TCERG1L: variants seen among roughly 807,000 people sequenced by gnomAD.
TCERG1L encodes transcription elongation regulator 1-like protein.
Under a neutral mutation model 56.3 loss-of-function variants are expected in TCERG1L, and 37 were observed. That is an observed-to-expected ratio of 0.66 (90% CI 0.51 to 0.87). The LOEUF (loss-of-function observed/expected upper bound fraction) is 0.87, where lower values mean the gene tolerates loss of function less well. Among genes scored for constraint, TCERG1L ranks in the 40% least tolerant of loss-of-function variants. The pLI is 0.00. For missense variants in TCERG1L, 799 were observed against 774.2 expected (o/e 1.03, Z -0.38); for synonymous variants, 324 against 326.3 (o/e 0.99, Z 0.08).
chr10:131,238,749 C>A (rs1372167823), intron 4 of TCERG1L, among the ~76,000 whole-genome samples: 6 of 152,188 alleles, frequency 3.9e-5, no homozygotes, highest in Non-Finnish European at 5.9e-5. Flanking sequence ...GCCAAATGGT[C>A]CAAGCCACTT....
chr10:131,260,556 G>T lies in TCERG1L; in HGVS notation c.671-112C>A. 1 of 1,225,294 alleles carries T rather than the reference G, an allele frequency of 8.2e-7. No homozygotes were observed. The highest frequency in any genetic ancestry group is 1.0e-6 in the Non-Finnish European group (1 of 961,672). 75.9% of individuals were successfully genotyped at this position (1,225,294 alleles called of 1,614,324 possible). A position where few individuals can be genotyped will look rare whatever the true frequency, so the allele number is the denominator to read the frequency against. ...CCCCCAGAAAACAGGTGAGGGGGGC[G>T]CTACCCCTCTTTAATGGAGGCCCAC... On this transcript the variant is annotated intron_variant, in intron 3 of 11. Transcript: ENST00000368642. The surrounding 1 kb of genome is among the most constrained non-coding windows in gnomAD (Gnocchi z 5.8).
chr10:131,252,849 C>T (rs545217649), intron 4 of TCERG1L, among the ~76,000 whole-genome samples: 1 of 152,374 alleles, frequency 6.6e-6, no homozygotes, highest in Non-Finnish European at 1.5e-5. Flanking sequence ...TGACCAGCCT[C>T]CTTGCACGAT....
At chr10:131,152,577 TATC>T (rs1845877519) in intron 6 of TCERG1L, among the ~76,000 whole-genome samples, 1 of 152,244 alleles carries the variant, frequency 6.6e-6, no homozygotes, top group South Asian at 2.1e-4. Context: ...CACATTTTGC[TATC>T]TTTTTCTGAG....
At chr10:131,107,652 C>T (rs1845366320) in intron 9 of TCERG1L, among the ~76,000 whole-genome samples, 1 of 152,114 alleles carries the variant, frequency 6.6e-6, no homozygotes, top group Non-Finnish European at 1.5e-5. Context: ...TGAGGGAAGC[C>T]TGTTGTTCCC....
At chr10:131,240,994 G>A (rs1845965652) in intron 4 of TCERG1L, among the ~76,000 whole-genome samples, 1 of 152,250 alleles carries the variant, frequency 6.6e-6, no homozygotes, top group Non-Finnish European at 1.5e-5. Flanking sequence ...CTCCTTCACC[G>A]GGAAAGCACG....
chr10:131,204,349 G>C (rs542682273), intron 4 of TCERG1L, among the ~76,000 whole-genome samples: 39 of 152,364 alleles, frequency 2.6e-4, no homozygotes, highest in African/African-American at 9.4e-4. Flanking sequence ...CCAGCAAGTG[G>C]GCTGGCCCGA....
intron 3 of TCERG1L, among the ~76,000 whole-genome samples, chr10:131,291,300 CCATATATTT>C (rs1258639143): frequency 6.7e-6 from 1 of 148,216 alleles, no homozygotes; most frequent in Admixed American, 6.8e-5. Flanking sequence ...AATTTTAATC[CCATATATTT>C]CATATATATC....
chr10:131,154,826 G>GC (rs1805663518), intron 6 of TCERG1L, among the ~76,000 whole-genome samples: 1 of 152,256 alleles, frequency 6.6e-6, no homozygotes, highest in Non-Finnish European at 1.5e-5. Context: ...ACACGAGCGT[G>GC]CAACAGGCGT....
chr10:131,265,386 T>C (rs1342249560), intron 3 of TCERG1L, among the ~76,000 whole-genome samples: 1 of 152,214 alleles, frequency 6.6e-6, no homozygotes, highest in Non-Finnish European at 1.5e-5. Flanking sequence ...CTGAATGATA[T>C]CAGTGAAGAC....
chr10:131,196,739 C>T lies in TCERG1L; in HGVS notation c.857-29854G>A, dbSNP rs1845367772. Among the ~76,000 whole-genome samples the T allele has an allele frequency of 2.0e-5, 3 of 152,316 alleles. No homozygotes were observed. The South Asian group carries it at 6.2e-4, about 32-fold the overall frequency. On this transcript the variant is annotated intron_variant, in intron 4 of 11. Coordinates refer to ENST00000368642, the MANE Select transcript of TCERG1L (RefSeq NM_174937.4). ...GACTCGGCCTGACTGGCTGGAACAC[C>T]ACCACCAAGCAATTCCCTACAAGGA...
At chr10:131,201,894 C>T (rs1336552804) in intron 4 of TCERG1L, among the ~76,000 whole-genome samples, 1 of 152,186 alleles carries the variant, frequency 6.6e-6, no homozygotes, top group East Asian at 1.9e-4. Flanking sequence ...ATCCATCGAC[C>T]TTCCTCAGAG....
In TCERG1L at chr10:131,182,364, C is replaced by T. The variant is rs1845189959; in HGVS notation, c.857-15479G>A. On this transcript the variant is annotated intron_variant, in intron 4 of 11. Coordinates refer to ENST00000368642, the MANE Select transcript of TCERG1L (RefSeq NM_174937.4). The stretch of plus-strand genomic sequence containing the variant: ...GGGCCGGGGTCTTTGTGCCCCTGTC[C>T]CTAGCTGGGGAGCTAGCACCGGGAG... Among the ~76,000 whole-genome samples the T allele has an allele frequency of 2.0e-5, 3 of 152,170 alleles. No individual in the cohort carries two copies. The South Asian group carries it at 6.2e-4, about 32-fold the overall frequency.
At chr10:131,199,118 T>C (rs1430256365) in intron 4 of TCERG1L, among the ~76,000 whole-genome samples, 2 of 152,174 alleles carry the variant, frequency 1.3e-5, no homozygotes, top group Non-Finnish European at 2.9e-5. Context: ...TGTGAAGGAC[T>C]TGGCAGCCCC....
chr10:131,094,839 C>T (rs1845224383), intron 11 of TCERG1L, among the ~76,000 whole-genome samples: 1 of 152,214 alleles, frequency 6.6e-6, no homozygotes. Flanking sequence ...CTTGCCTGGG[C>T]TTGTTCCACG....
chr10:131,262,113 C>T (rs1030373122), intron 3 of TCERG1L, among the ~76,000 whole-genome samples: 2 of 151,784 alleles, frequency 1.3e-5, no homozygotes, highest in African/African-American at 2.4e-5. Context: ...CAGACATAGG[C>T]GGGGGATGAC....
At chr10:131,169,751 C>T (rs1846069300) in intron 4 of TCERG1L, among the ~76,000 whole-genome samples, 1 of 152,156 alleles carries the variant, frequency 6.6e-6, no homozygotes, top group African/African-American at 2.4e-5. Flanking sequence ...AGCAGAAATG[C>T]ACGTCTGTAT....
chr10:131,161,510 A>T (rs1385312471), intron 6 of TCERG1L: 1 of 152,100 alleles, frequency 6.6e-6, no homozygotes, highest in Non-Finnish European at 1.5e-5. Flanking sequence ...TGTTATTCCT[A>T]CCAAGTCCCT....
At chr10:131,258,042 A>T (rs1337202750) in intron 4 of TCERG1L, among the ~76,000 whole-genome samples, 1 of 152,232 alleles carries the variant, frequency 6.6e-6, no homozygotes, top group Non-Finnish European at 1.5e-5. Context: ...CCTGCTTTGC[A>T]TTGATGTCCT....
chr10:131,216,920 G>T (rs2133494036), intron 4 of TCERG1L, among the ~76,000 whole-genome samples: 1 of 152,248 alleles, frequency 6.6e-6, no homozygotes, highest in South Asian at 2.1e-4. Flanking sequence ...GAAACCGAGG[G>T]TGGCATCTCT....
Sources: allele counts gnomAD v4.1 joint callset (sites outside exome capture counted in the v4.1 genomes callset), GRCh38; gene constraint gnomAD v4.1.1; non-coding constraint Gnocchi (gnomAD v3.1); transcripts MANE v1.5; gene names NCBI Gene and HGNC (gene_info 2026-07-23, HGNC 2026-07-21).